The following ZSWIM5 variants were observed in gnomAD, a reference collection of about 807,000 sequenced individuals.
ZSWIM5 encodes zinc finger SWIM domain-containing protein 5.
A neutral mutation model predicts 119.6 loss-of-function variants in ZSWIM5; 55 were observed. The ratio of observed to expected loss-of-function variants is 0.46; its 90% CI spans 0.37 to 0.58. The LOEUF (loss-of-function observed/expected upper bound fraction) is 0.58, where lower values mean the gene tolerates loss of function less well. Ranked by LOEUF, ZSWIM5 falls within the 20% of genes least tolerant of loss-of-function variation. ZSWIM5 has a pLI of 0.00. For missense variants in ZSWIM5, 1,193 were observed against 1,512.8 expected (o/e 0.79, Z 3.51); for synonymous variants, 537 against 606.9 (o/e 0.88, Z 1.69).
chr1:45,096,578 C>T (rs1423291582), intron 1 of ZSWIM5, among the ~76,000 whole-genome samples: 1 of 148,996 alleles, frequency 6.7e-6, no homozygotes, highest in East Asian at 1.9e-4. Flanking sequence ...ACACACACAG[C>T]CCTCAAGTGC....
chr1:45,127,413 A>G (rs1645628332), intron 1 of ZSWIM5, among the ~76,000 whole-genome samples: 2 of 151,978 alleles, frequency 1.3e-5, no homozygotes. Context: ...TTACGCTAAG[A>G]TAGGGAACAA....
At chr1:45,048,932 G>A (rs1457673811) in intron 5 of ZSWIM5, among the ~76,000 whole-genome samples, 1 of 152,072 alleles carries the variant, frequency 6.6e-6, no homozygotes, top group African/African-American at 2.4e-5. Flanking sequence ...ACTAGCCTGG[G>A]CAACATGACG....
chr1:45,069,748 A>G (rs901369953), intron 2 of ZSWIM5, among the ~76,000 whole-genome samples: 1 of 152,226 alleles, frequency 6.6e-6, no homozygotes, highest in Non-Finnish European at 1.5e-5. Context: ...CATCGCTGGC[A>G]TAGCAAAAGG....
intron 1 of ZSWIM5, among the ~76,000 whole-genome samples, chr1:45,105,100 C>T (rs557311246): frequency 2.0e-4 from 31 of 152,048 alleles, no homozygotes; most frequent in Admixed American, 3.9e-4. Context: ...GCCAGGCACG[C>T]GCCGCCACTC....
intron 1 of ZSWIM5, among the ~76,000 whole-genome samples, chr1:45,188,103 C>CGT (rs1293273211): frequency 6.6e-6 from 1 of 152,068 alleles, no homozygotes; most frequent in Non-Finnish European, 1.5e-5. Flanking sequence ...GATGTATACC[C>CGT]AAGAGAAATG....
At chr1:45,194,628 A>G (rs1435861599) in intron 1 of ZSWIM5, among the ~76,000 whole-genome samples, 1 of 152,210 alleles carries the variant, frequency 6.6e-6, no homozygotes, top group Non-Finnish European at 1.5e-5. Context: ...CTGTAATCCC[A>G]GCACTTTGGG....
intron 2 of ZSWIM5, among the ~76,000 whole-genome samples, chr1:45,078,814 G>A (rs538820219): frequency 1.9e-4 from 29 of 152,118 alleles, no homozygotes; most frequent in Admixed American, 1.8e-3. Context: ...AGGAGCCAGG[G>A]ACTAGAGTAA....
Position 45,206,051 on chromosome 1 carries a change from C to A in ZSWIM5, c.300G>T (p.Trp100Cys). The A allele has an allele frequency of 6.2e-7, 1 of 1,610,868 alleles. No homozygotes were observed. Among genetic ancestry groups the A allele is most frequent in the Non-Finnish European group, 8.5e-7 (1 of 1,178,976 alleles). ...PEPVQRRIVY[W>C]SFPRNEREIC... ...TCTCCCGCTCATTCCGCGGGAAGGA[C>A]CAGTAGACGATGCGGCGCTGCACGG... is the stretch of plus-strand genomic sequence containing the variant. The change falls in exon 1 of 14, where the codon TGG (tryptophan) becomes TGT (cysteine). Residue 100 changes from tryptophan to cysteine, a missense_variant. This residue lies in a region of ZSWIM5 where 232 missense variants were observed against 222.9 expected (regional missense o/e 1.04). Coordinates refer to ENST00000359600, the MANE Select transcript of ZSWIM5 (RefSeq NM_020883.2).
At position 45,020,082 on chromosome 1, in the gene ZSWIM5, G is replaced by A. The variant is rs771962355; in HGVS notation, c.2679C>T (p.Thr893=). The A allele has an allele frequency of 3.7e-6, 6 of 1,614,072 alleles. No individual in the cohort carries two copies. In the South Asian group the frequency reaches 6.6e-5, roughly 18 times the overall value. Residue 893 remains threonine (T), a synonymous_variant, in exon 13 of 14, where the codon ACC becomes ACT. Transcript: ENST00000359600. ...RRREMVRWLV[T]CATEVGVRAL... ...GAGACTCACCCACTTCTGTAGCACA[G>A]GTCACCAACCATCGTACCATCTCCC...
chr1:45,082,403 C>T (rs1232038651), intron 2 of ZSWIM5, among the ~76,000 whole-genome samples: 1 of 151,996 alleles, frequency 6.6e-6, no homozygotes, highest in Non-Finnish European at 1.5e-5. Context: ...CTATCTTCCT[C>T]CTAAATTCAT....
intron 1 of ZSWIM5, among the ~76,000 whole-genome samples, chr1:45,149,567 A>G (rs557009385): frequency 3.3e-4 from 51 of 152,334 alleles, no homozygotes; most frequent in African/African-American, 1.1e-3. Context: ...CTTCCTAACA[A>G]AATACATTAA....
At chr1:45,155,456 T>C (rs1183922691) in intron 1 of ZSWIM5, among the ~76,000 whole-genome samples, 1 of 148,824 alleles carries the variant, frequency 6.7e-6, no homozygotes, top group Non-Finnish European at 1.5e-5. Flanking sequence ...ACAGCCACTA[T>C]GAAAAACAGT....
At chr1:45,082,150 A>AT (rs1645297019) in intron 2 of ZSWIM5, among the ~76,000 whole-genome samples, 1 of 150,490 alleles carries the variant, frequency 6.6e-6, no homozygotes, top group African/African-American at 2.5e-5. Context: ...AAGAGTCATC[A>AT]CACTCCCTAA....
At chr1:45,183,810 T>C (rs1377172966) in intron 1 of ZSWIM5, among the ~76,000 whole-genome samples, 1 of 152,230 alleles carries the variant, frequency 6.6e-6, no homozygotes, top group East Asian at 1.9e-4. Context: ...AGCTGAATTC[T>C]ACCAGAGGTA....
chr1:45,205,642 A>G, intron 1 of ZSWIM5, 114 bp downstream of exon 1: 7 of 1,112,660 alleles, frequency 6.3e-6, no homozygotes, highest in Non-Finnish European at 7.0e-6. Flanking sequence ...GTCCTTCGGC[A>G]GGGGTACAGG....
chr1:45,020,308 C>A (rs1644880541), intron 12 of ZSWIM5, among the ~76,000 whole-genome samples, 161 bp from the exon 13 acceptor site: 2 of 152,226 alleles, frequency 1.3e-5, no homozygotes, highest in Admixed American at 6.5e-5. Context: ...AGCCCTCCCA[C>A]CAATCAGATA....
intron 1 of ZSWIM5, among the ~76,000 whole-genome samples, chr1:45,184,650 T>C (rs1332421088): frequency 1.3e-5 from 2 of 151,894 alleles, no homozygotes; most frequent in Non-Finnish European, 2.9e-5. Context: ...CCATTCACAA[T>C]TGCTTCAAAG....
chr1:45,082,151 C>G (rs1384503938), intron 2 of ZSWIM5, among the ~76,000 whole-genome samples: 1 of 103,704 alleles, frequency 9.6e-6, no homozygotes, highest in East Asian at 2.5e-4. Flanking sequence ...AGAGTCATCA[C>G]ACTCCCTAAT....
At chr1:45,153,251 G>A (rs1358630190) in intron 1 of ZSWIM5, among the ~76,000 whole-genome samples, 1 of 151,984 alleles carries the variant, frequency 6.6e-6, no homozygotes, top group Non-Finnish European at 1.5e-5. Context: ...GCCGGGCTCA[G>A]TGGTTTACGC....
Sources: gnomAD v4.1 joint callset for allele counts (sites outside exome capture counted in the v4.1 genomes callset) on GRCh38, gnomAD v4.1.1 for gene constraint, gnomAD v4.1.1 regional missense constraint, MANE v1.5 for transcripts, NCBI Gene and HGNC (gene_info 2026-07-23, HGNC 2026-07-21) for gene names.